VAT1L: variants seen among roughly 807,000 people sequenced by gnomAD.
VAT1L encodes the protein vesicle amine transport 1 like.
Under a neutral mutation model 44.1 loss-of-function variants are expected in VAT1L, and 34 were observed. That is an observed-to-expected ratio of 0.77 (90% CI 0.59 to 1.03). VAT1L has a LOEUF of 1.03. Ranked by LOEUF, VAT1L falls within the 50% of genes least tolerant of loss-of-function variation. The pLI is 0.00. For synonymous variants in VAT1L, 253 were observed against 202.2 expected, an observed-to-expected ratio of 1.25 and a Z score of -2.13; for missense variants, 615 against 538.8, an observed-to-expected ratio of 1.14 and a Z score of -1.40.
intron 7 of VAT1L, among the ~76,000 whole-genome samples, chr16:77,954,808 C>T (rs945412225): frequency 6.6e-6 from 1 of 152,122 alleles, no homozygotes; most frequent in Non-Finnish European, 1.5e-5. Flanking sequence ...CGTCAGAGTT[C>T]CAGAATCACC....
intron 7 of VAT1L, among the ~76,000 whole-genome samples, chr16:77,967,437 A>C (rs1185946957): frequency 6.6e-6 from 1 of 152,212 alleles, no homozygotes; most frequent in Non-Finnish European, 1.5e-5. Context: ...ATTAATCAAG[A>C]ACAATATCAT....
At chr16:77,930,745 C>T (rs2017722441) in intron 7 of VAT1L, among the ~76,000 whole-genome samples, 1 of 152,122 alleles carries the variant, frequency 6.6e-6, no homozygotes, top group African/African-American at 2.4e-5. Context: ...TTGGCCTGCT[C>T]CAACATGCAG....
intron 1 of VAT1L, among the ~76,000 whole-genome samples, chr16:77,803,926 T>TA (rs2016110599): frequency 6.6e-6 from 1 of 152,148 alleles, no homozygotes; most frequent in South Asian, 2.1e-4. Flanking sequence ...CATTCAGTGA[T>TA]ACTTTCTGTG....
intron 1 of VAT1L, among the ~76,000 whole-genome samples, chr16:77,809,221 A>G (rs2016220759): frequency 6.6e-6 from 1 of 152,154 alleles, no homozygotes; most frequent in Admixed American, 6.5e-5. Flanking sequence ...ATCTCTTAGC[A>G]TTGTTTATGG....
At chr16:77,966,476 C>G (rs1388093547) in intron 7 of VAT1L, among the ~76,000 whole-genome samples, 1 of 152,140 alleles carries the variant, frequency 6.6e-6, no homozygotes, top group Non-Finnish European at 1.5e-5. Flanking sequence ...GTGCAGAGAG[C>G]CCAGTGAACT....
At chr16:77,890,868 G>C (rs1344523426) in intron 7 of VAT1L, among the ~76,000 whole-genome samples, 1 of 150,290 alleles carries the variant, frequency 6.7e-6, no homozygotes, top group Non-Finnish European at 1.5e-5. Flanking sequence ...AGGTTGCAGT[G>C]AGCTGAGATC....
At chr16:77,832,825 C>A (rs1476355604) in intron 3 of VAT1L, among the ~76,000 whole-genome samples, 1 of 152,170 alleles carries the variant, frequency 6.6e-6, no homozygotes, top group African/African-American at 2.4e-5. Context: ...CACTTGTGGT[C>A]CTCCCTGAAC....
chr16:77,893,731 C>T lies in VAT1L; in HGVS notation c.1077+8929C>T, dbSNP rs1048720094. Among the ~76,000 whole-genome samples, 6 of 152,114 alleles carry T rather than the reference C, an allele frequency of 3.9e-5. No individual in the cohort carries two copies. In the East Asian group the frequency reaches 5.8e-4, roughly 15 times the overall value. ...GTATTATTATCCCCATCTTACAGATCGCAAAAATGAGGCTCTAGAGAGATT... is the reference window on the plus strand; with the variant it reads ...GTATTATTATCCCCATCTTACAGATTGCAAAAATGAGGCTCTAGAGAGATT... On this transcript the variant is annotated intron_variant, in intron 7 of 8. Coordinates refer to ENST00000302536, the MANE Select transcript of VAT1L (RefSeq NM_020927.3).
At chr16:77,824,224 A>C (rs2016492500) in intron 2 of VAT1L, among the ~76,000 whole-genome samples, 1 of 152,118 alleles carries the variant, frequency 6.6e-6, no homozygotes. Context: ...CCTTAGATGC[A>C]CTGACACTTC....
intron 5 of VAT1L, among the ~76,000 whole-genome samples, chr16:77,878,934 A>G (rs1186437323): frequency 3.3e-5 from 5 of 152,234 alleles, no homozygotes; most frequent in South Asian, 2.1e-4. Context: ...CAAATTTTGC[A>G]AAGTAATAAG....
At chr16:77,908,063 AC>A (rs1446537644) in intron 7 of VAT1L, among the ~76,000 whole-genome samples, 2 of 151,938 alleles carry the variant, frequency 1.3e-5, no homozygotes, top group Non-Finnish European at 2.9e-5. Context: ...ACATGGTGAA[AC>A]CCCGTCTCTA....
At chr16:77,873,458 C>A (rs1383776916) in intron 4 of VAT1L, among the ~76,000 whole-genome samples, 1 of 152,176 alleles carries the variant, frequency 6.6e-6, no homozygotes, top group Non-Finnish European at 1.5e-5. Context: ...TCTTCATCAT[C>A]TTTCATTCAT....
intron 3 of VAT1L, among the ~76,000 whole-genome samples, chr16:77,842,866 T>C (rs9934540): frequency 0.085 from 13,017 of 152,280 alleles, 1,223 homozygotes; most frequent in African/African-American, 0.24. Flanking sequence ...ATAATATGTA[T>C]GTAAAATTAA....
At chr16:77,949,567 G>C (rs1278017314) in intron 7 of VAT1L, among the ~76,000 whole-genome samples, 4 of 152,218 alleles carry the variant, frequency 2.6e-5, no homozygotes, top group Admixed American at 6.5e-5. Context: ...GGAATGGAGA[G>C]TGAATTCTCA....
chr16:77,857,853 C>A (rs1196950913), intron 3 of VAT1L, among the ~76,000 whole-genome samples: 1 of 141,402 alleles, frequency 7.1e-6, no homozygotes, highest in Non-Finnish European at 1.5e-5. Context: ...TTTTTTTTAA[C>A]CATGTGCATG....
chr16:77,915,801 A>G (rs932127010), intron 7 of VAT1L, among the ~76,000 whole-genome samples: 1 of 152,182 alleles, frequency 6.6e-6, no homozygotes, highest in African/African-American at 2.4e-5. Context: ...GAGACAGAGA[A>G]TCATATACAA....
chr16:77,841,444 A>T (rs111716401), intron 3 of VAT1L, among the ~76,000 whole-genome samples: 4 of 152,334 alleles, frequency 2.6e-5, no homozygotes, highest in African/African-American at 7.2e-5. Flanking sequence ...TCGGGCAGGA[A>T]TGCCTGGGTG....
chr16:77,879,362 C>A lies in VAT1L; in HGVS notation c.882+138C>A. Reference sequence around the variant, plus strand: ...CTGGAGTGCAATGGCACGATCTCGGCTCATGGCAACCTCCGACTCCCTGGT... The same window carrying A: ...CTGGAGTGCAATGGCACGATCTCGGATCATGGCAACCTCCGACTCCCTGGT... On this transcript the variant is annotated intron_variant, in intron 6 of 8. Coordinates refer to ENST00000302536, the MANE Select transcript of VAT1L (RefSeq NM_020927.3). This position sits in a 1 kb window ranked among gnomAD's most constrained non-coding sequence, Gnocchi z 4.1. The A allele has an allele frequency of 1.1e-6, 1 of 886,862 alleles. No homozygotes were observed. Among genetic ancestry groups the A allele is most frequent in the African/African-American group, 1.7e-5 (1 of 59,938 alleles). 54.9% of individuals were successfully genotyped at this position (886,862 alleles called of 1,614,324 possible). A position where few individuals can be genotyped will look rare whatever the true frequency, so the allele number is the denominator to read the frequency against.
intron 6 of VAT1L, among the ~76,000 whole-genome samples, chr16:77,881,169 C>G (rs751001625): frequency 6.6e-6 from 1 of 152,210 alleles, no homozygotes; most frequent in Non-Finnish European, 1.5e-5. Flanking sequence ...CCCTCCCCAA[C>G]AGGGGATTGC....
Sources: allele counts gnomAD v4.1 joint callset (sites outside exome capture counted in the v4.1 genomes callset), GRCh38; gene constraint gnomAD v4.1.1; non-coding constraint Gnocchi (gnomAD v3.1); transcripts MANE v1.5; gene names NCBI Gene and HGNC (gene_info 2026-07-23, HGNC 2026-07-21).